Variants in B3GAT2 observed in about 807,000 individuals in gnomAD.
B3GAT2 encodes the protein galactosylgalactosylxylosylprotein 3-beta-glucuronosyltransferase 2.
Under a neutral mutation model 27.8 loss-of-function variants are expected in B3GAT2, and 26 were observed. The ratio of observed to expected loss-of-function variants is 0.93; its 90% CI spans 0.68 to 1.30. The LOEUF (loss-of-function observed/expected upper bound fraction) is 1.30, where lower values mean the gene tolerates loss of function less well. B3GAT2 is among the 50% of genes most tolerant of loss of function. B3GAT2 has a pLI of 0.00. For synonymous variants in B3GAT2, 218 were observed against 195.1 expected (o/e 1.12, Z -0.98); for missense variants, 458 against 459.0 (o/e 1.00, Z 0.02).
intron 1 of B3GAT2, among the ~76,000 whole-genome samples, chr6:70,921,648 T>A (rs1218350827): frequency 6.6e-6 from 1 of 152,232 alleles, no homozygotes; most frequent in East Asian, 1.9e-4. Flanking sequence ...TGGGGTTGTC[T>A]GGAGGTAAGA....
intron 1 of B3GAT2, among the ~76,000 whole-genome samples, chr6:70,944,512 T>C (rs1765445629): frequency 6.6e-6 from 1 of 152,166 alleles, no homozygotes; most frequent in Non-Finnish European, 1.5e-5. Flanking sequence ...GCAGCGAGGC[T>C]GGGGGAGGGG....
At chr6:70,924,234 T>A (rs145215175) in intron 1 of B3GAT2, among the ~76,000 whole-genome samples, 89 of 152,210 alleles carry the variant, frequency 5.8e-4, no homozygotes, top group African/African-American at 2.1e-3. Flanking sequence ...CACTAAAAAC[T>A]ATGAAACACT....
Position 70,859,202 on chromosome 6 carries a change from C to T in B3GAT2, c.*2461G>A. ...ATATAGGTAAAACATTGGTCTCTAC[C>T]CGCTGGGAATCTAAAAAATTGTATG... On this transcript the variant is annotated 3_prime_UTR_variant, in exon 4 of 4. Coordinates refer to ENST00000230053, the MANE Select transcript of B3GAT2 (RefSeq NM_080742.3). 1.7e-6 allele frequency: 1 copy of T among 598,348 alleles called. No individual in the cohort carries two copies. Among genetic ancestry groups the T allele is most frequent in the Non-Finnish European group, 2.9e-6 (1 of 345,102 alleles). 37.1% of individuals were successfully genotyped at this position (598,348 alleles called of 1,614,324 possible). A position where few individuals can be genotyped will look rare whatever the true frequency, so the allele number is the denominator to read the frequency against.
rs1204195056 is a variant in B3GAT2, at chr6:70,956,660, G to A, written c.-231C>T. On this transcript the variant is annotated 5_prime_UTR_variant, in exon 1 of 4. Transcript: ENST00000230053. ...CAAGGGGTGCAGGCGGGCGGGCAGG[G>A]GCTGCCCCCGACTCCAGGTGAGCTG... 4 of 1,401,870 alleles carry A rather than the reference G, an allele frequency of 2.9e-6. No homozygotes were observed. Among genetic ancestry groups the A allele is most frequent in the South Asian group, 1.5e-5 (1 of 65,944 alleles). The allele number at this position is 1,401,870 out of a possible 1,614,324, so 86.8% of individuals were successfully genotyped here.
At chr6:70,886,737 A>G (rs1272685390) in intron 2 of B3GAT2, among the ~76,000 whole-genome samples, 1 of 152,194 alleles carries the variant, frequency 6.6e-6, no homozygotes, top group Non-Finnish European at 1.5e-5. Flanking sequence ...CCCTGGCCAC[A>G]GCACATGCAG....
At chr6:70,951,245 T>C (rs1765574301) in intron 1 of B3GAT2, among the ~76,000 whole-genome samples, 1 of 152,132 alleles carries the variant, frequency 6.6e-6, no homozygotes. Flanking sequence ...CCACCTGAAA[T>C]AGTTAATAAA....
In B3GAT2 at chr6:70,899,718, C is replaced by T. The variant is rs188357638; in HGVS notation, c.592-5446G>A. Among the ~76,000 whole-genome samples the T allele has an allele frequency of 2.6e-4, 39 of 152,236 alleles. 1 individual carries two copies. Among genetic ancestry groups the T allele is most frequent in the Non-Finnish European group, 5.4e-4 (37 of 68,014 alleles). ...GTGTGCCAGACATTTCAAAGGAAAA[C>T]GGCACAGCTATTTACAGAACTTCTT... is the stretch of plus-strand genomic sequence containing the variant. On this transcript the variant is annotated intron_variant, in intron 1 of 3. Transcript: ENST00000230053.
At chr6:70,894,616 C>T (rs550684249) in intron 1 of B3GAT2, among the ~76,000 whole-genome samples, 17 of 152,290 alleles carry the variant, frequency 1.1e-4, no homozygotes, top group Non-Finnish European at 2.1e-4. Flanking sequence ...TTCTATCTTC[C>T]GAGGTGAGAA....
At chr6:70,862,793 G>A (rs1771782356) in intron 2 of B3GAT2, among the ~76,000 whole-genome samples, 1 of 152,032 alleles carries the variant, frequency 6.6e-6, no homozygotes, top group South Asian at 2.1e-4. Flanking sequence ...AGCATAATGA[G>A]ACCCTGTCTC....
rs753603265 is a variant in B3GAT2 at position 70,919,883 on chromosome 6, C to T, written c.592-25611G>A. 6.6e-5 allele frequency among the ~76,000 whole-genome samples: 10 copies of T among 152,290 alleles called. No individual in the cohort carries two copies. In the East Asian group the frequency reaches 9.6e-4, roughly 15 times the overall value. ...GACCCACTTGAGGAGGTAGTCTGTC[C>T]GTTATCAGAGCTTGAACGCCCCCGT... On this transcript the variant is annotated intron_variant, in intron 1 of 3. Transcript: ENST00000230053.
rs1406103663 is a variant in B3GAT2 at position 70,956,235 on chromosome 6, C to T, written c.195G>A (p.Lys65=). The T allele has an allele frequency of 1.2e-6, 2 of 1,612,400 alleles. No individual in the cohort carries two copies. Among genetic ancestry groups the T allele is most frequent in the South Asian group, 1.1e-5 (1 of 90,948 alleles). Reference sequence around the variant, plus strand: ...GTGGCTGCGGCCGAGACTGGTTGCGCTTTTGGGTCCCGTGAGCCGGGCCGC... The same window carrying T: ...GTGGCTGCGGCCGAGACTGGTTGCGTTTTTGGGTCCCGTGAGCCGGGCCGC... ...RRGGPAHGTQ[K]RNQSRPQPQP... Residue 65 remains lysine, a synonymous_variant, in exon 1 of 4, where the codon AAG becomes AAA. Transcript: ENST00000230053.
In B3GAT2 at chr6:70,956,158, C is replaced by G. The variant is rs951776976; in HGVS notation, c.272G>C (p.Arg91Pro). Residue 91 changes from arginine to proline, a missense_variant, in exon 1 of 4, where the codon CGC becomes CCC. Physicochemically the swap from Arg to Pro is moderately radical, Grantham distance 103. Transcript: ENST00000230053. ...GGTCAGCTCCGCTTTCTGCACCGGG[C>G]GGCTGTAGGTGGGCGTGATGGCATA... ...TIYAITPTYS[R>P]PVQKAELTRL... 1 of 1,607,122 alleles carries G rather than the reference C, an allele frequency of 6.2e-7. No individual in the cohort carries two copies. Among genetic ancestry groups the G allele is most frequent in the Non-Finnish European group, 8.5e-7 (1 of 1,176,534 alleles).
intron 1 of B3GAT2, among the ~76,000 whole-genome samples, chr6:70,902,701 A>T (rs976759025): frequency 5.9e-5 from 9 of 151,294 alleles, no homozygotes; most frequent in African/African-American, 2.2e-4. Context: ...ATAGGGTACT[A>T]TTCTGCCTTA....
At chr6:70,862,550 C>A (rs890901511) in intron 2 of B3GAT2, among the ~76,000 whole-genome samples, 5 of 152,126 alleles carry the variant, frequency 3.3e-5, no homozygotes, top group Non-Finnish European at 7.4e-5. Context: ...TTGGTTCAAT[C>A]TAAAAAGGGT....
intron 1 of B3GAT2, among the ~76,000 whole-genome samples, chr6:70,934,456 T>G (rs1272746928): frequency 6.7e-6 from 1 of 148,324 alleles, no homozygotes; most frequent in Non-Finnish European, 1.5e-5. Flanking sequence ...CTGTCCCACC[T>G]AATATAACCT....
chr6:70,857,962 A>G lies in B3GAT2; in HGVS notation c.*3701T>C, dbSNP rs771090826. On this transcript the variant is annotated 3_prime_UTR_variant, in exon 4 of 4. Transcript: ENST00000230053. ...CCACAAATATACCATTTACCTCACA[A>G]GCACCAGCTGCATTTCAGGGCTTTC... is the stretch of plus-strand genomic sequence containing the variant. 3 of 1,614,134 alleles carry G rather than the reference A, an allele frequency of 1.9e-6. No homozygotes were observed. The highest frequency in any genetic ancestry group is 2.5e-6 in the Non-Finnish European group (3 of 1,180,004).
chr6:70,869,307 CATCTGGTG>C (rs1444476492), intron 2 of B3GAT2, among the ~76,000 whole-genome samples: 1 of 152,098 alleles, frequency 6.6e-6, no homozygotes, highest in African/African-American at 2.4e-5. Context: ...CATGTCGCTC[CATCTGGTG>C]ATGACATTAT....
chr6:70,955,257 T>C (rs1765635508), intron 1 of B3GAT2, among the ~76,000 whole-genome samples: 1 of 151,318 alleles, frequency 6.6e-6, no homozygotes, highest in African/African-American at 2.4e-5. Flanking sequence ...TCCATAGAAG[T>C]CAGTGTTTCT....
rs1279218764 is a variant in B3GAT2, at chr6:70,956,424, C to T, written c.6G>A (p.Lys2=). The part of the protein sequence containing the change: M[K]SALFTRFFIL... ...TAAAGAAGCGGGTGAAAAGCGCGGA[C>T]TTCATGGTGCACGCTCCCTGGCCTC... Residue 2 remains lysine, a synonymous_variant, in exon 1 of 4, where the codon AAG becomes AAA. Transcript: ENST00000230053. 1.3e-6 allele frequency: 2 copies of T among 1,551,172 alleles called. No homozygotes were observed. The highest frequency in any genetic ancestry group is 2.0e-5 in the Admixed American group (1 of 50,978).
Sources: allele counts gnomAD v4.1 joint callset (sites outside exome capture counted in the v4.1 genomes callset), GRCh38; gene constraint gnomAD v4.1.1; transcripts MANE v1.5; gene names NCBI Gene and HGNC (gene_info 2026-07-23, HGNC 2026-07-21).